Variants in DPP6 observed in about 807,000 individuals in gnomAD.
DPP6 encodes A-type potassium channel modulatory protein DPP6.
A neutral mutation model predicts 122.6 loss-of-function variants in DPP6; 69 were observed. That is an observed-to-expected ratio of 0.56 (90% CI 0.46 to 0.69). DPP6 has a LOEUF of 0.69. Among genes scored for constraint, DPP6 ranks in the 30% least tolerant of loss-of-function variants. DPP6 has a pLI of 0.00. For missense variants in DPP6, 928 were observed against 1,116.9 expected, an observed-to-expected ratio of 0.83 and a Z score of 2.41; for synonymous variants, 418 against 433.1, an observed-to-expected ratio of 0.97 and a Z score of 0.43.
At chr7:154,523,534 A>G (rs1827167215) in intron 3 of DPP6, among the ~76,000 whole-genome samples, 1 of 152,228 alleles carries the variant, frequency 6.6e-6, no homozygotes, top group Non-Finnish European at 1.5e-5. Context: ...GGCCATATTC[A>G]AATTCCCTTA....
chr7:154,321,856 T>C (rs10274670), intron 1 of DPP6, among the ~76,000 whole-genome samples: 116,428 of 150,450 alleles, frequency 0.77, 45,426 homozygotes, highest in African/African-American at 0.88. Flanking sequence ...TCCCTGCAGG[T>C]AGCGGCCTTA....
At chr7:153,915,913 G>A (rs1225543869) in intron 1 of DPP6, among the ~76,000 whole-genome samples, 1 of 151,946 alleles carries the variant, frequency 6.6e-6, no homozygotes, top group African/African-American at 2.4e-5. Context: ...GGCCAGTGGT[G>A]GACACACTAA....
chr7:153,874,898 C>T, the DPP6 span, among the ~76,000 whole-genome samples: 2 of 152,014 alleles, frequency 1.3e-5, no homozygotes, highest in African/African-American at 2.4e-5. Context: ...ATGTTGGAAA[C>T]CTCTAGTATA....
intron 1 of DPP6, among the ~76,000 whole-genome samples, chr7:154,054,249 T>G (rs1800633579): frequency 1.3e-5 from 2 of 152,214 alleles, no homozygotes. Flanking sequence ...ATTACCTCTC[T>G]GCAGCCTCCA....
intron 2 of DPP6, among the ~76,000 whole-genome samples, chr7:154,447,703 A>T (rs932298483): frequency 4.6e-5 from 7 of 152,240 alleles, no homozygotes; most frequent in African/African-American, 1.7e-4. Context: ...GAATCTAACT[A>T]CATGTAGAAA....
At chr7:154,636,823 A>G (rs762428115) in intron 5 of DPP6, among the ~76,000 whole-genome samples, 3 of 152,138 alleles carry the variant, frequency 2.0e-5, no homozygotes. Context: ...TTCCCTGTTC[A>G]AAGTACTCTA....
chr7:153,929,391 A>G (rs929905348), intron 1 of DPP6, among the ~76,000 whole-genome samples: 1 of 152,152 alleles, frequency 6.6e-6, no homozygotes, highest in East Asian at 1.9e-4. Flanking sequence ...AAGCTGTGGG[A>G]GAAGCGGTTT....
intron 3 of DPP6, among the ~76,000 whole-genome samples, chr7:154,511,218 T>C (rs1030272496): frequency 1.3e-5 from 2 of 152,112 alleles, no homozygotes; most frequent in African/African-American, 4.8e-5. Flanking sequence ...TAAAAATAAC[T>C]AGGTTTAAGG....
At chr7:154,158,509 CTA>C (rs1338456357) in intron 1 of DPP6, among the ~76,000 whole-genome samples, 1 of 151,350 alleles carries the variant, frequency 6.6e-6, no homozygotes, top group African/African-American at 2.4e-5. Context: ...CAAAACATTA[CTA>C]TATTTTGAGG....
At chr7:154,512,349 C>T (rs377008277) in intron 3 of DPP6, among the ~76,000 whole-genome samples, 2 of 152,276 alleles carry the variant, frequency 1.3e-5, no homozygotes, top group East Asian at 3.9e-4. Context: ...TTATATAAAG[C>T]ACTTTGAAGC....
intron 16 of DPP6, among the ~76,000 whole-genome samples, chr7:154,851,008 T>C (rs1411367871): frequency 6.6e-6 from 1 of 152,264 alleles, no homozygotes; most frequent in Non-Finnish European, 1.5e-5. Context: ...AATACGTGCT[T>C]ATGTGTAAAT....
chr7:154,479,210 CTTGT>C (rs1823011873), intron 3 of DPP6, among the ~76,000 whole-genome samples: 1 of 152,162 alleles, frequency 6.6e-6, no homozygotes, highest in Non-Finnish European at 1.5e-5. Context: ...GACTTCCTTA[CTTGT>C]TTGTTGCAAC....
intron 1 of DPP6, among the ~76,000 whole-genome samples, chr7:154,008,693 G>A (rs529574684): frequency 0.03 from 3,941 of 131,954 alleles, 153 homozygotes; most frequent in African/African-American, 0.11. Flanking sequence ...ACGGAGTCTC[G>A]CTCTGTCGCC....
intron 1 of DPP6, among the ~76,000 whole-genome samples, chr7:154,173,559 C>A (rs143849865): frequency 1.6e-4 from 24 of 152,278 alleles, no homozygotes; most frequent in Admixed American, 6.5e-4. Context: ...TTTCCTCCCC[C>A]TTCTCTGTGT....
intron 1 of DPP6, among the ~76,000 whole-genome samples, chr7:154,280,844 G>C (rs963898805): frequency 6.6e-6 from 1 of 152,102 alleles, no homozygotes; most frequent in Admixed American, 6.5e-5. Flanking sequence ...TGCAATTATC[G>C]TAGCCATCCC....
chr7:154,384,557 G>A (rs974230508), intron 1 of DPP6, among the ~76,000 whole-genome samples: 6 of 152,054 alleles, frequency 3.9e-5, no homozygotes, highest in South Asian at 2.1e-4. Flanking sequence ...GTGAGATCTC[G>A]AAATCTGTCT....
chr7:154,062,029 C>A (rs1296371378), intron 1 of DPP6, among the ~76,000 whole-genome samples: 14 of 115,424 alleles, frequency 1.2e-4, no homozygotes, highest in South Asian at 6.8e-4. Flanking sequence ...GGGGGAGGCA[C>A]CCCCCGCGAG....
At chr7:154,557,678 C>G (rs1830142181) in intron 4 of DPP6, among the ~76,000 whole-genome samples, 1 of 152,028 alleles carries the variant, frequency 6.6e-6, no homozygotes, top group South Asian at 2.1e-4. Context: ...ATGTATTGGA[C>G]AGCAGGCAGT....
chr7:154,506,421 G>A (rs1032319588), intron 3 of DPP6, among the ~76,000 whole-genome samples: 3 of 152,056 alleles, frequency 2.0e-5, no homozygotes, highest in Non-Finnish European at 4.4e-5. Context: ...CCACATTCCT[G>A]AGATTTTTTT....
Sources: allele counts gnomAD v4.1 joint callset (sites outside exome capture counted in the v4.1 genomes callset), GRCh38; gene constraint gnomAD v4.1.1; transcripts MANE v1.5; gene names NCBI Gene and HGNC (gene_info 2026-07-23, HGNC 2026-07-21).